Variants in CHN1 observed in about 807,000 individuals in gnomAD.
CHN1 encodes N-chimaerin.
Under a neutral mutation model 59.5 loss-of-function variants are expected in CHN1, and 37 were observed. The observed-to-expected ratio is 0.62, with a 90% CI of 0.48 to 0.82. The LOEUF (loss-of-function observed/expected upper bound fraction) is 0.82. Among genes scored for constraint, CHN1 ranks in the 40% least tolerant of loss-of-function variants. CHN1 has a pLI of 0.00. For missense variants in CHN1, 469 were observed against 571.0 expected (o/e 0.82, Z 1.82); for synonymous variants, 206 against 200.4 (o/e 1.03, Z -0.24).
At chr2:174,847,319 ATTC>A (rs1343017878) in intron 6 of CHN1, 11 of 1,317,466 alleles carry the variant, frequency 8.3e-6, no homozygotes, top group Admixed American at 7.1e-5. Flanking sequence ...TAACCAGCAA[ATTC>A]TTCTTTCTTC....
chr2:174,950,774 G>T (rs1429564975), intron 2 of CHN1, among the ~76,000 whole-genome samples: 1 of 145,354 alleles, frequency 6.9e-6, no homozygotes, highest in African/African-American at 2.7e-5. Context: ...AAAATGCAGA[G>T]AAGTTTTTTT....
At chr2:174,951,285 AC>A (rs1690018144) in intron 2 of CHN1, among the ~76,000 whole-genome samples, 1 of 152,220 alleles carries the variant, frequency 6.6e-6, no homozygotes, top group Non-Finnish European at 1.5e-5. Context: ...CAAAGTGGCA[AC>A]CTATTAAAAA....
At chr2:174,867,779 C>G (rs1269024475) in intron 6 of CHN1, among the ~76,000 whole-genome samples, 1 of 152,082 alleles carries the variant, frequency 6.6e-6, no homozygotes, top group East Asian at 1.9e-4. Context: ...GTCGATAAAG[C>G]AAATTACAAA....
At chr2:174,933,736 A>G (rs1422445444) in intron 3 of CHN1, among the ~76,000 whole-genome samples, 3 of 152,242 alleles carry the variant, frequency 2.0e-5, no homozygotes, top group African/African-American at 7.2e-5. Flanking sequence ...TCTTGCAGAA[A>G]GGGAAAAGCT....
intron 3 of CHN1, among the ~76,000 whole-genome samples, chr2:174,925,564 T>C (rs917261996): frequency 6.6e-6 from 1 of 152,156 alleles, no homozygotes; most frequent in Admixed American, 6.5e-5. Context: ...AAAGAGACAT[T>C]TACCATCTTT....
rs535707598 is a variant in CHN1 at position 174,976,337 on chromosome 2, A to C, written c.20-24135T>G. 4.6e-5 allele frequency among the ~76,000 whole-genome samples: 7 copies of C among 151,900 alleles called. No homozygotes were observed. The South Asian group carries it at 1.5e-3, about 32-fold the overall frequency. On this transcript the variant is annotated intron_variant, in intron 1 of 12. Transcript: ENST00000409900. ...ACTGCAACCTCCGCCTCCCGGGTTCAAGCAATTCTCCTGCCTCAGCCTCCC... is the reference window on the plus strand; with the variant it reads ...ACTGCAACCTCCGCCTCCCGGGTTCCAGCAATTCTCCTGCCTCAGCCTCCC...
At chr2:174,994,600 T>TTA (rs1247310075) in intron 1 of CHN1, among the ~76,000 whole-genome samples, 1 of 151,998 alleles carries the variant, frequency 6.6e-6, no homozygotes, top group Admixed American at 6.6e-5. Context: ...CAGAGATGGG[T>TTA]AGTATAGGGC....
chr2:174,896,986 T>C (rs557293810), intron 5 of CHN1, among the ~76,000 whole-genome samples: 2 of 152,258 alleles, frequency 1.3e-5, no homozygotes, highest in South Asian at 4.1e-4. Flanking sequence ...TATAATTAAA[T>C]GTGAAAGAGC....
intron 11 of CHN1, among the ~76,000 whole-genome samples, chr2:174,805,700 C>T (rs1173894954): frequency 6.6e-6 from 1 of 151,988 alleles, no homozygotes; most frequent in African/African-American, 2.4e-5. Context: ...GACTCTAAGC[C>T]CATAAAGATC....
intron 3 of CHN1, among the ~76,000 whole-genome samples, chr2:174,934,343 A>G (rs563599987): frequency 6.6e-6 from 1 of 152,334 alleles, no homozygotes; most frequent in African/African-American, 2.4e-5. Flanking sequence ...GCAGTTCACA[A>G]TAGGGGTCAC....
chr2:174,918,608 A>C, intron 3 of CHN1, 43 bp from the exon 4 acceptor site: 1 of 1,499,642 alleles, frequency 6.7e-7, no homozygotes. Flanking sequence ...TAAAAATGCA[A>C]ATGTGCAGAA....
At chr2:174,819,790 A>G (rs1450910263) in intron 8 of CHN1, among the ~76,000 whole-genome samples, 1 of 146,296 alleles carries the variant, frequency 6.8e-6, no homozygotes, top group Non-Finnish European at 1.5e-5. Context: ...CATTAGGTAT[A>G]TCTCCTAATG....
At chr2:174,855,297 C>A (rs957079974) in intron 6 of CHN1, among the ~76,000 whole-genome samples, 6 of 152,124 alleles carry the variant, frequency 3.9e-5, no homozygotes, top group African/African-American at 1.4e-4. Context: ...ATCCAAAAAG[C>A]ACCACAGAGG....
intron 6 of CHN1, among the ~76,000 whole-genome samples, chr2:174,848,418 G>A (rs764370871): frequency 1.4e-4 from 22 of 152,018 alleles, no homozygotes; most frequent in Non-Finnish European, 2.4e-4. Context: ...TTTCACTAAG[G>A]TGCTACAGGA....
At chr2:174,932,517 C>T (rs1191364226) in intron 3 of CHN1, among the ~76,000 whole-genome samples, 1 of 152,208 alleles carries the variant, frequency 6.6e-6, no homozygotes, top group Non-Finnish European at 1.5e-5. Context: ...GAGTATCTCA[C>T]AGTTTCCACA....
chr2:174,918,107 AT>A (rs1387392006), intron 4 of CHN1, among the ~76,000 whole-genome samples: 1 of 152,070 alleles, frequency 6.6e-6, no homozygotes, highest in Non-Finnish European at 1.5e-5. Flanking sequence ...GAATTATTAT[AT>A]TTTTCTCATA....
intron 6 of CHN1, among the ~76,000 whole-genome samples, chr2:174,861,673 C>T (rs1416252198): frequency 6.6e-6 from 1 of 152,072 alleles, no homozygotes; most frequent in Non-Finnish European, 1.5e-5. Context: ...AGAATATGAA[C>T]TAAAAACATG....
intron 7 of CHN1, among the ~76,000 whole-genome samples, chr2:174,832,202 G>A (rs1358142950): frequency 6.6e-6 from 1 of 152,026 alleles, no homozygotes; most frequent in Non-Finnish European, 1.5e-5. Context: ...AAAAAGATCT[G>A]ACTAAAATGC....
At chr2:174,966,840 G>A (rs1467372862) in intron 1 of CHN1, among the ~76,000 whole-genome samples, 2 of 152,120 alleles carry the variant, frequency 1.3e-5, no homozygotes, top group African/African-American at 4.8e-5. Flanking sequence ...ATTTCCAAAA[G>A]GGAACTTCAA....
Sources: allele counts gnomAD v4.1 joint callset (sites outside exome capture counted in the v4.1 genomes callset), GRCh38; gene constraint gnomAD v4.1.1; transcripts MANE v1.5; gene names NCBI Gene and HGNC (gene_info 2026-07-23, HGNC 2026-07-21).